GRK5: variants seen among roughly 807,000 people sequenced by gnomAD.
GRK5 encodes the protein g protein-coupled receptor kinase GRK5.
In GRK5, 40 loss-of-function variants were observed where a neutral mutation model predicts 78.4. That is an observed-to-expected ratio of 0.51 (90% CI 0.40 to 0.66). GRK5 has a LOEUF of 0.66. Ranked by LOEUF, GRK5 falls within the 30% of genes least tolerant of loss-of-function variation. GRK5 has a pLI of 0.00. For synonymous variants in GRK5, 289 were observed against 296.8 expected (o/e 0.97, Z 0.27); for missense variants, 598 against 759.9 (o/e 0.79, Z 2.50).
chr10:119,429,010 C>T (rs1428381136), intron 6 of GRK5, among the ~76,000 whole-genome samples: 4 of 152,224 alleles, frequency 2.6e-5, no homozygotes, highest in East Asian at 1.9e-4. Context: ...TTTCCGGGGG[C>T]GGCTGTAGGG....
chr10:119,453,438 C>A (rs1853336164), intron 15 of GRK5, among the ~76,000 whole-genome samples, 162 bp downstream of exon 15: 1 of 152,198 alleles, frequency 6.6e-6, no homozygotes. Flanking sequence ...GCCCCTGATA[C>A]CCACGGCAGC....
At chr10:119,388,180 T>G (rs1851831456) in intron 3 of GRK5, among the ~76,000 whole-genome samples, 1 of 152,056 alleles carries the variant, frequency 6.6e-6, no homozygotes, top group Admixed American at 6.6e-5. Flanking sequence ...GTCTTGAACT[T>G]CTGGCCTCAA....
chr10:119,316,515 T>G (rs1171408321), intron 1 of GRK5, among the ~76,000 whole-genome samples: 2 of 152,250 alleles, frequency 1.3e-5, no homozygotes, highest in Non-Finnish European at 2.9e-5. Flanking sequence ...CCCAGGCCAC[T>G]GGCACTTCTG....
intron 1 of GRK5, among the ~76,000 whole-genome samples, chr10:119,213,773 C>T (rs1848526056): frequency 6.6e-6 from 1 of 152,114 alleles, no homozygotes; most frequent in African/African-American, 2.4e-5. Flanking sequence ...CCTTCCCCCA[C>T]CCCTGCTTCT....
At chr10:119,270,214 C>T (rs887355989) in intron 1 of GRK5, among the ~76,000 whole-genome samples, 4 of 152,230 alleles carry the variant, frequency 2.6e-5, no homozygotes, top group Non-Finnish European at 5.9e-5. Flanking sequence ...ATCTCTTTGC[C>T]ACTTGTCACC....
chr10:119,295,908 A>C (rs1306210873), intron 1 of GRK5, among the ~76,000 whole-genome samples: 1 of 152,182 alleles, frequency 6.6e-6, no homozygotes, highest in Non-Finnish European at 1.5e-5. Flanking sequence ...GAACTTACTC[A>C]TACCACCTGT....
intron 3 of GRK5, among the ~76,000 whole-genome samples, chr10:119,389,495 A>G (rs1165477076): frequency 6.6e-6 from 1 of 152,186 alleles, no homozygotes; most frequent in Non-Finnish European, 1.5e-5. Flanking sequence ...CACTTCTAAA[A>G]TGGGTTTATA....
At position 119,457,050 on chromosome 10, in the gene GRK5, G is replaced by A. The variant is rs945144085; in HGVS notation, c.*1983G>A. 6.6e-6 allele frequency: 1 copy of A among 152,012 alleles called. No homozygotes were observed. Among genetic ancestry groups the A allele is most frequent in the Non-Finnish European group, 1.5e-5 (1 of 68,000 alleles). 9.4% of individuals were successfully genotyped at this position (152,012 alleles called of 1,614,324 possible). A position where few individuals can be genotyped will look rare whatever the true frequency, so the allele number is the denominator to read the frequency against. On this transcript the variant is annotated 3_prime_UTR_variant, in exon 16 of 16. Transcript: ENST00000392870. ...GAGGCTCCTTCCATTACCTTTCTTG[G>A]GCTGAATGCAAAACAAATACAGCCA...
At chr10:119,291,459 T>G (rs1849952921) in intron 1 of GRK5, among the ~76,000 whole-genome samples, 1 of 152,054 alleles carries the variant, frequency 6.6e-6, no homozygotes, top group South Asian at 2.1e-4. Flanking sequence ...CCTCGGGCGC[T>G]GGTGGGTGCA....
chr10:119,272,089 C>T (rs1452965959), intron 1 of GRK5, among the ~76,000 whole-genome samples: 1 of 152,162 alleles, frequency 6.6e-6, no homozygotes, highest in Non-Finnish European at 1.5e-5. Context: ...GGTGATGCCC[C>T]GTTCAGCAGA....
At chr10:119,317,381 T>TGC (rs1250723040) in intron 1 of GRK5, among the ~76,000 whole-genome samples, 1 of 144,148 alleles carries the variant, frequency 6.9e-6, no homozygotes, top group Non-Finnish European at 1.5e-5. Context: ...TGTGTGTGTG[T>TGC]GTGCCCAAAA....
chr10:119,323,682 C>T (rs935326780), intron 1 of GRK5, among the ~76,000 whole-genome samples: 4 of 152,118 alleles, frequency 2.6e-5, no homozygotes, highest in South Asian at 2.1e-4. Flanking sequence ...GTCTGGATTT[C>T]GATGTGAAAT....
chr10:119,346,036 A>G (rs1851086191), intron 2 of GRK5, among the ~76,000 whole-genome samples: 1 of 151,872 alleles, frequency 6.6e-6, no homozygotes, highest in South Asian at 2.1e-4. Context: ...GTCCCCACCA[A>G]ACATTCCCAA....
chr10:119,345,352 G>A (rs187164894), intron 2 of GRK5, among the ~76,000 whole-genome samples: 3 of 152,100 alleles, frequency 2.0e-5, no homozygotes. Flanking sequence ...TCCCAGCCCC[G>A]CAATCCAGCT....
rs147524270 is a variant in GRK5, at chr10:119,369,352, G to A, written c.149-11463G>A. 5.3e-3 allele frequency among the ~76,000 whole-genome samples: 811 copies of A among 152,286 alleles called. 6 individuals carry two copies. Among genetic ancestry groups the A allele is most frequent in the South Asian group, 0.02 (96 of 4,824 alleles). ...CCTGGGTGTTCAAGACACAAACAGT[G>A]GTCATCACTGACCAAGGCTGTCCCA... On this transcript the variant is annotated intron_variant, in intron 2 of 15. Transcript: ENST00000392870.
intron 1 of GRK5, among the ~76,000 whole-genome samples, chr10:119,313,191 ATGG>A (rs1275031589): frequency 3.7e-5 from 5 of 135,300 alleles, no homozygotes; most frequent in East Asian, 2.8e-4. Flanking sequence ...GGTGATGATG[ATGG>A]TGGTGGTAAT....
chr10:119,388,850 C>T (rs1851840400), intron 3 of GRK5, among the ~76,000 whole-genome samples: 1 of 152,234 alleles, frequency 6.6e-6, no homozygotes, highest in East Asian at 1.9e-4. Context: ...ATTCACATGC[C>T]TGGCAGGTTG....
In GRK5 at chr10:119,227,412, C is replaced by T. The variant is rs1304428376; in HGVS notation, c.52+19443C>T. On this transcript the variant is annotated intron_variant, in intron 1 of 15. Coordinates refer to ENST00000392870, the MANE Select transcript of GRK5 (RefSeq NM_005308.3). The stretch of plus-strand genomic sequence containing the variant: ...CGAAACTCCATCTCTACTAAAAATA[C>T]AAAAATTAGCCGGGCATGGTGGCGC... 2.0e-5 allele frequency among the ~76,000 whole-genome samples: 3 copies of T among 151,978 alleles called. No individual in the cohort carries two copies. The South Asian group carries it at 6.2e-4, about 32-fold the overall frequency.
chr10:119,416,255 G>A (rs923002507), intron 4 of GRK5, among the ~76,000 whole-genome samples: 4 of 152,248 alleles, frequency 2.6e-5, no homozygotes, highest in Non-Finnish European at 4.4e-5. Flanking sequence ...CCTTCCTCAC[G>A]TCAGTCATTC....
Sources: allele counts gnomAD v4.1 joint callset (sites outside exome capture counted in the v4.1 genomes callset), GRCh38; gene constraint gnomAD v4.1.1; transcripts MANE v1.5; gene names NCBI Gene and HGNC (gene_info 2026-07-23, HGNC 2026-07-21).